Variants in PLEKHA5 observed in about 807,000 individuals in gnomAD.
The protein encoded by PLEKHA5 is pleckstrin homology domain containing A5.
A neutral mutation model predicts 181.9 loss-of-function variants in PLEKHA5; 55 were observed. That is an observed-to-expected ratio of 0.30 (90% confidence interval 0.24 to 0.38). The LOEUF is 0.38. PLEKHA5 is among the 10% of genes least tolerant of loss of function. The pLI is 1.00. For missense variants in PLEKHA5, 1,432 were observed against 1,549.5 expected (o/e 0.92, Z 1.27); for synonymous variants, 535 against 529.4 (o/e 1.01, Z -0.15).
intron 5 of PLEKHA5, among the ~76,000 whole-genome samples, 197 bp from the exon 6 acceptor site, chr12:19,257,236 G>A (rs1043084124): frequency 5.9e-5 from 9 of 152,066 alleles, no homozygotes; most frequent in African/African-American, 2.2e-4. Context: ...TACCCTGGGG[G>A]AAAAATTTTT....
intron 15 of PLEKHA5, chr12:19,306,704 T>G (rs2083851930): frequency 1.4e-6 from 2 of 1,470,496 alleles, no homozygotes; most frequent in Non-Finnish European, 9.5e-7. Flanking sequence ...CTCTTCGGTT[T>G]CCTAGGCAAG....
At chr12:19,305,150 C>G (rs1390269877) in intron 15 of PLEKHA5, among the ~76,000 whole-genome samples, 1 of 152,270 alleles carries the variant, frequency 6.6e-6, no homozygotes, top group South Asian at 2.1e-4. Context: ...TGGTCCTTGT[C>G]CCCACACCTT....
intron 15 of PLEKHA5, among the ~76,000 whole-genome samples, chr12:19,297,313 ATAGTACAGT>A (rs1485932133): frequency 2.0e-5 from 3 of 150,836 alleles, no homozygotes; most frequent in Non-Finnish European, 4.4e-5. Context: ...TCAGTTTGCC[ATAGTACAGT>A]TAAAAAAAAA....
chr12:19,291,960 T>C (rs1029946599), intron 15 of PLEKHA5, among the ~76,000 whole-genome samples: 2 of 152,208 alleles, frequency 1.3e-5, no homozygotes, highest in African/African-American at 4.8e-5. Context: ...TTCGTTCTTC[T>C]TATCCCATTA....
chr12:19,251,479 C>T (rs944884978), intron 3 of PLEKHA5, among the ~76,000 whole-genome samples: 1 of 150,136 alleles, frequency 6.7e-6, no homozygotes, highest in African/African-American at 2.4e-5. Context: ...TTTCATAAAA[C>T]AGGCAGTGAA....
intron 15 of PLEKHA5, among the ~76,000 whole-genome samples, chr12:19,307,825 CAGAG>C (rs202097380): frequency 4.0e-5 from 6 of 151,724 alleles, no homozygotes; most frequent in Non-Finnish European, 8.8e-5. Flanking sequence ...GAAGTACAAA[CAGAG>C]AGACAACAAC....
intron 3 of PLEKHA5, among the ~76,000 whole-genome samples, chr12:19,246,018 G>A (rs368327817): frequency 6.1e-4 from 86 of 140,060 alleles, no homozygotes; most frequent in African/African-American, 2.1e-3. Context: ...TCACTCTGTC[G>A]CCCAGGCTGT....
At chr12:19,162,781 G>T (rs1037877098) in intron 3 of PLEKHA5, among the ~76,000 whole-genome samples, 4 of 152,136 alleles carry the variant, frequency 2.6e-5, no homozygotes, top group Admixed American at 6.5e-5. Context: ...TAAGAGTGTT[G>T]TTCTCAGGAC....
chr12:19,222,634 T>G (rs1206563431), intron 3 of PLEKHA5, among the ~76,000 whole-genome samples: 1 of 152,154 alleles, frequency 6.6e-6, no homozygotes, highest in African/African-American at 2.4e-5. Context: ...GGAGAAAATA[T>G]GTGTTTGAGT....
At chr12:19,361,797 G>A in intron 29 of PLEKHA5, 91 bp downstream of exon 29, 2 of 1,119,308 alleles carry the variant, frequency 1.8e-6, no homozygotes, top group Non-Finnish European at 2.6e-6. Flanking sequence ...CTGGATTTCA[G>A]CCCCAGCTTA....
intron 3 of PLEKHA5, among the ~76,000 whole-genome samples, chr12:19,194,993 G>T (rs1235006912): frequency 6.6e-6 from 1 of 152,096 alleles, no homozygotes; most frequent in Non-Finnish European, 1.5e-5. Flanking sequence ...CGTCTATTGG[G>T]CATTTATACT....
At chr12:19,317,122 T>C (rs928432266) in intron 16 of PLEKHA5, among the ~76,000 whole-genome samples, 2 of 152,048 alleles carry the variant, frequency 1.3e-5, no homozygotes, top group Non-Finnish European at 2.9e-5. Flanking sequence ...ATCCCAACAA[T>C]TTATGAGGCC....
chr12:19,192,888 G>A (rs974428775), intron 3 of PLEKHA5, among the ~76,000 whole-genome samples: 2 of 152,114 alleles, frequency 1.3e-5, no homozygotes, highest in Admixed American at 6.5e-5. Flanking sequence ...AGTAACTGTG[G>A]CTGTGGACCA....
chr12:19,226,527 A>G (rs1204031845), intron 3 of PLEKHA5, among the ~76,000 whole-genome samples: 1 of 152,196 alleles, frequency 6.6e-6, no homozygotes, highest in African/African-American at 2.4e-5. Context: ...TTTCCATAGC[A>G]CCTGCACCAT....
At chr12:19,147,509 T>C (rs754681359) in intron 3 of PLEKHA5, among the ~76,000 whole-genome samples, 1 of 152,086 alleles carries the variant, frequency 6.6e-6, no homozygotes, top group Non-Finnish European at 1.5e-5. Context: ...GTATGTGGTA[T>C]AGGATACCCA....
At chr12:19,327,924 C>T (rs900203324) in intron 20 of PLEKHA5, among the ~76,000 whole-genome samples, 23 of 152,110 alleles carry the variant, frequency 1.5e-4, no homozygotes, top group African/African-American at 4.6e-4. Flanking sequence ...GGATTACAGG[C>T]GTGAGCCACC....
At chr12:19,318,567 T>C (rs1325280030) in intron 16 of PLEKHA5, among the ~76,000 whole-genome samples, 2 of 152,216 alleles carry the variant, frequency 1.3e-5, no homozygotes, top group African/African-American at 4.8e-5. Flanking sequence ...TGAAACACTG[T>C]CTGCTAGTTA....
chr12:19,196,737 G>A (rs1428771647), intron 3 of PLEKHA5, among the ~76,000 whole-genome samples: 1 of 151,616 alleles, frequency 6.6e-6, no homozygotes, highest in Non-Finnish European at 1.5e-5. Context: ...TCAATAAATG[G>A]TGGCTGCTAT....
chr12:19,151,788 A>AGCC (rs2040443221), intron 3 of PLEKHA5: 1 of 152,062 alleles, frequency 6.6e-6, no homozygotes, highest in South Asian at 2.1e-4. Context: ...CAAAGATCTA[A>AGCC]GCCTGGAACC....
Sources: allele counts gnomAD v4.1 joint callset (sites outside exome capture counted in the v4.1 genomes callset), GRCh38; gene constraint gnomAD v4.1.1; transcripts MANE v1.5; gene names NCBI Gene and HGNC (gene_info 2026-07-23, HGNC 2026-07-21).